The following LINGO2 variants were observed in gnomAD, a reference collection of about 807,000 sequenced individuals.
LINGO2 encodes the protein leucine-rich repeat and immunoglobulin-like domain-containing nogo receptor-interacting protein 2.
LINGO2 carries 14 observed loss-of-function variants against 30.6 expected under a neutral mutation model. The observed-to-expected ratio is 0.46, with a 90% CI of 0.30 to 0.72. The LOEUF (loss-of-function observed/expected upper bound fraction) is 0.72. Among genes scored for constraint, LINGO2 ranks in the 30% least tolerant of loss-of-function variants. The pLI is 0.07. For missense variants in LINGO2, 729 were observed against 751.7 expected (o/e 0.97, Z 0.35); for synonymous variants, 317 against 288.5 (o/e 1.10, Z -1.00).
the LINGO2 span, among the ~76,000 whole-genome samples, chr9:29,068,059 C>T: frequency 6.6e-6 from 1 of 151,822 alleles, no homozygotes; most frequent in South Asian, 2.1e-4. Context: ...GAGCATGAGA[C>T]AGCAAATGAC....
chr9:28,140,226 G>T (rs1310403467), intron 4 of LINGO2, among the ~76,000 whole-genome samples: 2 of 152,174 alleles, frequency 1.3e-5, no homozygotes, highest in African/African-American at 4.8e-5. Context: ...TGAGGATTGA[G>T]GAAGCCAGGG....
the LINGO2 span, among the ~76,000 whole-genome samples, chr9:29,202,905 A>G: frequency 6.6e-6 from 1 of 152,238 alleles, no homozygotes; most frequent in East Asian, 1.9e-4. Context: ...GTATTTTGCT[A>G]GGCTACATAA....
At chr9:28,054,774 TTCC>T (rs1824842591) in intron 4 of LINGO2, among the ~76,000 whole-genome samples, 1 of 151,760 alleles carries the variant, frequency 6.6e-6, no homozygotes, top group African/African-American at 2.4e-5. Flanking sequence ...AGTGATCATA[TTCC>T]AGGCTATAAC....
At chr9:28,796,341 G>A in the LINGO2 span, among the ~76,000 whole-genome samples, 1 of 152,048 alleles carries the variant, frequency 6.6e-6, no homozygotes, top group Non-Finnish European at 1.5e-5. Flanking sequence ...TTGAATATAT[G>A]TGACCTATAA....
the LINGO2 span, among the ~76,000 whole-genome samples, chr9:29,140,502 A>C: frequency 2.0e-5 from 3 of 151,862 alleles, no homozygotes; most frequent in Non-Finnish European, 4.4e-5. Flanking sequence ...AGCAAAAAGA[A>C]ATAAAAAATG....
the LINGO2 span, among the ~76,000 whole-genome samples, chr9:28,921,325 CACATAGTCCCACAT>C: frequency 5.5e-3 from 835 of 152,148 alleles, 12 homozygotes; most frequent in African/African-American, 0.019. Context: ...TCTCTCATAT[CACATAGTCCCACAT>C]ACCTGATTCC....
At chr9:29,032,608 C>T in the LINGO2 span, among the ~76,000 whole-genome samples, 1 of 152,112 alleles carries the variant, frequency 6.6e-6, no homozygotes, top group Non-Finnish European at 1.5e-5. Flanking sequence ...TAGAATCATT[C>T]AAGCCTCAGA....
Position 28,043,022 on chromosome 9 carries a change from G to A in LINGO2, c.-86-30617C>T, listed in dbSNP as rs141970294. Among the ~76,000 whole-genome samples the A allele has an allele frequency of 4.2e-4, 64 of 152,300 alleles. No individual in the cohort carries two copies. In the Middle Eastern group the frequency reaches 0.014, roughly 32 times the overall value. On this transcript the variant is annotated intron_variant, in intron 4 of 5. Coordinates refer to ENST00000379992, the Ensembl canonical transcript of LINGO2. ...CAATGTGACTTGAGGATATTTCATGGTTTGAATAAAGACTGCCTAGATAGG... is the reference window on the plus strand; with the variant it reads ...CAATGTGACTTGAGGATATTTCATGATTTGAATAAAGACTGCCTAGATAGG...
At chr9:28,335,710 A>C (rs190346212) in intron 3 of LINGO2, among the ~76,000 whole-genome samples, 2 of 152,316 alleles carry the variant, frequency 1.3e-5, no homozygotes, top group Admixed American at 6.5e-5. Flanking sequence ...AAAACAATAA[A>C]GTCAACCATG....
chr9:28,016,638 C>A (rs10968286), intron 4 of LINGO2, among the ~76,000 whole-genome samples: 93,135 of 141,026 alleles, frequency 0.66, 30,936 homozygotes, highest in Non-Finnish European at 0.74. Context: ...ACCAGGAAGA[C>A]ACTGAATCTC....
chr9:28,397,523 C>A (rs942015391), intron 2 of LINGO2, among the ~76,000 whole-genome samples: 1 of 149,318 alleles, frequency 6.7e-6, no homozygotes, highest in African/African-American at 2.5e-5. Flanking sequence ...ACTATCAATA[C>A]CATGCTGTAC....
intron 1 of LINGO2, among the ~76,000 whole-genome samples, chr9:28,566,247 T>A (rs1306963860): frequency 6.6e-6 from 1 of 152,128 alleles, no homozygotes; most frequent in East Asian, 1.9e-4. Flanking sequence ...TAGGGGCTCG[T>A]GGCTGAAGCC....
the LINGO2 span, among the ~76,000 whole-genome samples, chr9:29,072,092 C>A: frequency 6.6e-6 from 1 of 151,968 alleles, no homozygotes; most frequent in East Asian, 1.9e-4. Context: ...GAAAGTTGGG[C>A]AAACTTGGTA....
chr9:28,790,033 T>C, the LINGO2 span, among the ~76,000 whole-genome samples: 2 of 152,298 alleles, frequency 1.3e-5, no homozygotes, highest in Admixed American at 6.5e-5. Flanking sequence ...TGTGGTCAAC[T>C]GCGGTTCAAA....
At chr9:29,198,116 T>C in the LINGO2 span, among the ~76,000 whole-genome samples, 2 of 152,110 alleles carry the variant, frequency 1.3e-5, no homozygotes, top group African/African-American at 4.8e-5. Flanking sequence ...GCTTAAAAAA[T>C]ACTAAAGGAC....
rs140368029 is a variant in LINGO2, at chr9:28,600,993, C to A, written c.-365+69207G>T. Among the ~76,000 whole-genome samples, 298 of 152,072 alleles carry A rather than the reference C, an allele frequency of 2.0e-3. 3 individuals are homozygous for A. Among genetic ancestry groups the A allele is most frequent in the African/African-American group, 6.9e-3 (286 of 41,512 alleles). On this transcript the variant is annotated intron_variant, in intron 1 of 5. Transcript: ENST00000379992. ...AAATAAAAATTAATATGTTTTGCTC[C>A]AAAATAAACCATGTTTTTTTTCTCT...
intron 4 of LINGO2, among the ~76,000 whole-genome samples, chr9:28,126,678 A>G (rs911166288): frequency 2.6e-5 from 4 of 152,244 alleles, no homozygotes; most frequent in African/African-American, 7.2e-5. Flanking sequence ...GTTGGTAGAG[A>G]CTTGCAATAT....
chr9:28,047,692 A>G (rs1026265354), intron 4 of LINGO2, among the ~76,000 whole-genome samples: 4 of 150,888 alleles, frequency 2.7e-5, no homozygotes, highest in African/African-American at 7.3e-5. Context: ...CTGAGATAAC[A>G]TAATTAGCAC....
At chr9:28,369,093 G>A (rs1212889952) in intron 3 of LINGO2, among the ~76,000 whole-genome samples, 2 of 152,136 alleles carry the variant, frequency 1.3e-5, no homozygotes, top group Non-Finnish European at 2.9e-5. Flanking sequence ...CCATTTTAAT[G>A]TTTTTAGTCA....
Sources: gnomAD v4.1 joint callset for allele counts (sites outside exome capture counted in the v4.1 genomes callset) on GRCh38, gnomAD v4.1.1 for gene constraint, MANE v1.5 for transcripts, NCBI Gene and HGNC (gene_info 2026-07-23, HGNC 2026-07-21) for gene names.